The following KANK1 variants were observed in gnomAD, a reference collection of about 807,000 sequenced individuals.
KANK1 encodes KN motif and ankyrin repeat domains 1, also known as KN motif and ankyrin repeat domain-containing protein 1.
KANK1 carries 109 observed loss-of-function variants against 106.2 expected under a neutral mutation model. The observed-to-expected ratio is 1.03, with a 90% CI of 0.88 to 1.20. The LOEUF (loss-of-function observed/expected upper bound fraction) is 1.20, where lower values mean the gene tolerates loss of function less well. KANK1 is among the 50% of genes most tolerant of loss of function. KANK1 has a pLI of 0.00. For missense variants in KANK1, 2,399 were observed against 1,710.7 expected (o/e 1.40, Z -7.10); for synonymous variants, 873 against 652.2 (o/e 1.34, Z -5.16).
intron 1 of KANK1, among the ~76,000 whole-genome samples, chr9:611,713 T>G (rs1830591698): frequency 6.6e-6 from 1 of 152,218 alleles, no homozygotes; most frequent in Non-Finnish European, 1.5e-5. Flanking sequence ...CTTCATCACC[T>G]TGACCATCTA....
At chr9:506,477 G>A (rs1160831040) in intron 1 of KANK1, among the ~76,000 whole-genome samples, 2 of 152,092 alleles carry the variant, frequency 1.3e-5, no homozygotes, top group Non-Finnish European at 2.9e-5. Context: ...GACTTGCCTA[G>A]TCCATAAATC....
chr9:528,925 G>C (rs894444141), intron 1 of KANK1, among the ~76,000 whole-genome samples: 2 of 151,846 alleles, frequency 1.3e-5, no homozygotes, highest in Non-Finnish European at 2.9e-5. Flanking sequence ...TCAGCCTCCC[G>C]AGTAGCTGGG....
intron 3 of KANK1, among the ~76,000 whole-genome samples, chr9:499,440 A>C (rs752263261): frequency 4.6e-5 from 7 of 152,210 alleles, no homozygotes; most frequent in Non-Finnish European, 7.3e-5. Flanking sequence ...CAGGAGCCAC[A>C]GCCCCAGATG....
chr9:563,758 G>T (rs887904296), intron 1 of KANK1, among the ~76,000 whole-genome samples: 4 of 152,162 alleles, frequency 2.6e-5, no homozygotes, highest in African/African-American at 9.7e-5. Context: ...CTATGGTTCA[G>T]AAATGTTTAG....
intron 7 of KANK1, among the ~76,000 whole-genome samples, chr9:737,456 G>C (rs1347335002): frequency 1.3e-5 from 2 of 152,122 alleles, no homozygotes; most frequent in Non-Finnish European, 2.9e-5. Context: ...CTCATATGAA[G>C]GCCCATTGAA....
intron 1 of KANK1, among the ~76,000 whole-genome samples, chr9:564,337 C>T (rs1817282020): frequency 6.6e-6 from 1 of 152,128 alleles, no homozygotes; most frequent in Admixed American, 6.5e-5. Context: ...GCTGGGATTA[C>T]AGGAGGGAGC....
chr9:689,931 A>G (rs1819471104), intron 2 of KANK1, among the ~76,000 whole-genome samples: 1 of 151,876 alleles, frequency 6.6e-6, no homozygotes, highest in African/African-American at 2.4e-5. Context: ...GGTGGGAGGA[A>G]TGTGAGATTG....
intron 3 of KANK1, among the ~76,000 whole-genome samples, chr9:714,781 A>T (rs1029892000): frequency 2.6e-5 from 4 of 152,340 alleles, no homozygotes; most frequent in African/African-American, 9.6e-5. Context: ...TTTATGGCTT[A>T]CAGTAATTCC....
In KANK1 at chr9:734,735, T is replaced by C. The variant is rs761908575; in HGVS notation, c.3246-13T>C. 13 of 1,574,436 alleles carry C rather than the reference T, an allele frequency of 8.3e-6. No individual in the cohort carries two copies. Among genetic ancestry groups the C allele is most frequent in the Admixed American group, 3.4e-5 (2 of 59,238 alleles). On this transcript the variant is annotated splice_polypyrimidine_tract_variant and intron_variant, in intron 6 of 11. Coordinates refer to ENST00000382297, the MANE Select transcript of KANK1 (RefSeq NM_015158.5). Reference sequence around the variant, plus strand: ...TCTTGTGACCAATCGTAACTTGTTTTTTCTCCTTTCAGGTATGAATTAAGT... The same window carrying C: ...TCTTGTGACCAATCGTAACTTGTTTCTTCTCCTTTCAGGTATGAATTAAGT...
At chr9:604,869 C>G (rs944100758) in intron 1 of KANK1, among the ~76,000 whole-genome samples, 1 of 151,828 alleles carries the variant, frequency 6.6e-6, no homozygotes, top group Non-Finnish European at 1.5e-5. Flanking sequence ...GCTTCCCCAG[C>G]CATGCAGAAC....
At chr9:622,845 T>G (rs1366017552) in intron 1 of KANK1, among the ~76,000 whole-genome samples, 1 of 151,920 alleles carries the variant, frequency 6.6e-6, no homozygotes, top group African/African-American at 2.4e-5. Flanking sequence ...GAGGTTGCAG[T>G]GAGCTGAGAT....
At chr9:526,958 A>G (rs1250842164) in intron 1 of KANK1, among the ~76,000 whole-genome samples, 1 of 151,766 alleles carries the variant, frequency 6.6e-6, no homozygotes. Flanking sequence ...TTAATATATA[A>G]TGTTTATAGT....
At chr9:549,782 G>C (rs1241349284) in intron 1 of KANK1, 1 of 152,266 alleles carries the variant, frequency 6.6e-6, no homozygotes, top group African/African-American at 2.4e-5. Flanking sequence ...GGACGGTTTG[G>C]TGCGTAAATC....
chr9:609,245 T>G (rs2136095541), intron 1 of KANK1, among the ~76,000 whole-genome samples: 1 of 152,380 alleles, frequency 6.6e-6, no homozygotes, highest in African/African-American at 2.4e-5. Context: ...AAACATTTTA[T>G]AAGTTTATTG....
At chr9:612,450 C>G (rs1830790031) in intron 1 of KANK1, among the ~76,000 whole-genome samples, 2 of 151,996 alleles carry the variant, frequency 1.3e-5, no homozygotes, top group African/African-American at 4.8e-5. Flanking sequence ...TAAGGTATCC[C>G]ACATTATCGG....
rs1424691968 is a variant in KANK1, at chr9:606,121, G to A, written c.-83-70769G>A. Among the ~76,000 whole-genome samples the A allele has an allele frequency of 3.5e-5, 5 of 143,830 alleles. No individual in the cohort carries two copies. In the East Asian group the frequency reaches 1.0e-3, roughly 30 times the overall value. 94.4% of individuals were successfully genotyped at this position (143,830 alleles called of 152,430 possible). A position where few individuals can be genotyped will look rare whatever the true frequency, so the allele number is the denominator to read the frequency against. ...CCATAGAACTTTCCCCCAGTATATA[G>A]CATTGAATTACACATATTCCTACAC... On this transcript the variant is annotated intron_variant, in intron 1 of 11. Transcript: ENST00000382297.
chr9:732,813 G>A (rs979228844), intron 6 of KANK1, 196 bp downstream of exon 6: 1 of 510,056 alleles, frequency 2.0e-6, no homozygotes, highest in East Asian at 3.1e-5. Context: ...GAATGGCCTG[G>A]TACCTAATCA....
intron 1 of KANK1, among the ~76,000 whole-genome samples, chr9:545,688 C>T (rs999194419): frequency 6.8e-6 from 1 of 147,508 alleles, no homozygotes; most frequent in African/African-American, 2.5e-5. Flanking sequence ...AGCGTGACAG[C>T]ATATGGAGAT....
upstream of KANK1, among the ~76,000 whole-genome samples, chr9:500,054 G>A (rs2058523979): frequency 6.6e-6 from 1 of 152,130 alleles, no homozygotes; most frequent in African/African-American, 2.4e-5. Context: ...TTTTGCATGG[G>A]AATTTTATCT....
Sources: allele counts gnomAD v4.1 joint callset (sites outside exome capture counted in the v4.1 genomes callset), GRCh38; gene constraint gnomAD v4.1.1; transcripts MANE v1.5; gene names NCBI Gene and HGNC (gene_info 2026-07-23, HGNC 2026-07-21).